FGF5: variants seen among roughly 807,000 people sequenced by gnomAD.
The protein encoded by FGF5 is fibroblast growth factor 5, also known as heparin-binding growth factor 5.
FGF5 carries 23 observed loss-of-function variants against 21.8 expected under a neutral mutation model. The ratio of observed to expected loss-of-function variants is 1.05; its 90% CI spans 0.76 to 1.49. FGF5 has a LOEUF of 1.49. FGF5 is among the 40% of genes most tolerant of loss of function. The pLI is 0.00. For missense variants in FGF5, 352 were observed against 332.9 expected (o/e 1.06, Z -0.45); for synonymous variants, 158 against 124.0 (o/e 1.27, Z -1.82).
In FGF5 at chr4:80,290,568, A is replaced by C. The variant is rs373321356; in HGVS notation, c.*3896A>C. On this transcript the variant is annotated 3_prime_UTR_variant, in exon 3 of 3. Coordinates refer to ENST00000312465, the MANE Select transcript of FGF5 (RefSeq NM_004464.4). ...TTATTATTATTATACTTCAAGTTCT[A>C]GGGTACATGTCCACAATGCACATGT... is the stretch of plus-strand genomic sequence containing the variant. 1.7e-4 allele frequency: 26 copies of C among 152,098 alleles called. No individual in the cohort carries two copies. The East Asian group carries it at 4.4e-3, about 26-fold the overall frequency. 9.4% of individuals were successfully genotyped at this position (152,098 alleles called of 1,614,324 possible).
intron 2 of FGF5, among the ~76,000 whole-genome samples, chr4:80,281,252 C>T (rs140122212): frequency 1.1e-3 from 167 of 152,068 alleles, no homozygotes; most frequent in African/African-American, 3.8e-3. Flanking sequence ...GGTACCTGTC[C>T]CAGGCAGCTC....
At chr4:80,286,261 A>G in intron 2 of FGF5, 64 bp from the exon 3 acceptor site, 1 of 1,104,362 alleles carries the variant, frequency 9.1e-7, no homozygotes, top group Non-Finnish European at 1.3e-6. Context: ...ACAATACCTT[A>G]TGTTTTATTA....
rs1720864253 is a variant in FGF5 at position 80,290,355 on chromosome 4, T to C, written c.*3683T>C. ...AGGCCTAATTTTTTTTTGTAGTCAATCCAACTGTACTGGCCAATTTTTGAA... is the reference window on the plus strand; with the variant it reads ...AGGCCTAATTTTTTTTTGTAGTCAACCCAACTGTACTGGCCAATTTTTGAA... On this transcript the variant is annotated 3_prime_UTR_variant, in exon 3 of 3. Coordinates refer to ENST00000312465, the MANE Select transcript of FGF5 (RefSeq NM_004464.4). 1 of 152,084 alleles carries C rather than the reference T, an allele frequency of 6.6e-6. No homozygotes were observed. Among genetic ancestry groups the C allele is most frequent in the African/African-American group, 2.4e-5 (1 of 41,430 alleles). The allele number at this position is 152,084 out of a possible 1,614,324, so 9.4% of individuals were successfully genotyped here. A position where few individuals can be genotyped will look rare whatever the true frequency, so the allele number is the denominator to read the frequency against.
chr4:80,266,670 G>T lies in FGF5; in HGVS notation c.-155G>T, dbSNP rs1720095524. On this transcript the variant is annotated 5_prime_UTR_variant, in exon 1 of 3. Transcript: ENST00000312465. The stretch of plus-strand genomic sequence containing the variant: ...GGTGCCAGCGCGGAGATCCGCTCGG[G>T]TGGCCTCTCTCTTCCCCTCTCCCCT... 1.6e-6 allele frequency: 1 copy of T among 634,160 alleles called. No homozygotes were observed. The highest frequency in any genetic ancestry group is 2.7e-6 in the Non-Finnish European group (1 of 370,100). 39.3% of individuals were successfully genotyped at this position (634,160 alleles called of 1,614,324 possible). A position where few individuals can be genotyped will look rare whatever the true frequency, so the allele number is the denominator to read the frequency against.
intron 2 of FGF5, 73 bp downstream of exon 2, chr4:80,275,085 A>G (rs1345193225): frequency 4.9e-6 from 3 of 613,318 alleles, no homozygotes; most frequent in Non-Finnish European, 8.2e-6. Flanking sequence ...ATAATTTTCC[A>G]AATTCATAGG....
chr4:80,281,779 T>C (rs1487502705), intron 2 of FGF5, among the ~76,000 whole-genome samples: 1 of 152,206 alleles, frequency 6.6e-6, no homozygotes, highest in East Asian at 1.9e-4. Context: ...GGAAATAATT[T>C]ATTTGGTTTA....
rs1010010920 is a variant in FGF5, at chr4:80,271,735, C to T, written c.356-3174C>T. Among the ~76,000 whole-genome samples the T allele has an allele frequency of 3.9e-5, 6 of 152,106 alleles. No individual in the cohort carries two copies. The East Asian group carries it at 1.2e-3, about 29-fold the overall frequency. On this transcript the variant is annotated intron_variant, in intron 1 of 2. Coordinates refer to ENST00000312465, the MANE Select transcript of FGF5 (RefSeq NM_004464.4). ...CCACAGTTTGGCTTAGAAATACTGC[C>T]TTGGCATCCATAAGGAGAATTGTAA...
rs1378279646 is a variant in FGF5 at position 80,289,592 on chromosome 4, T to C, written c.*2920T>C. ...AGACTAACATGTCAGTTTTATCAAT[T>C]ATATTATGTTTAATTATTTAAGATT... On this transcript the variant is annotated 3_prime_UTR_variant, in exon 3 of 3. Transcript: ENST00000312465. 1 of 152,092 alleles carries C rather than the reference T, an allele frequency of 6.6e-6. No homozygotes were observed. The highest frequency in any genetic ancestry group is 3.2e-3 in the Middle Eastern group (1 of 314). The allele number at this position is 152,092 out of a possible 1,614,324, so 9.4% of individuals were successfully genotyped here.
At position 80,266,897 on chromosome 4, in the gene FGF5, C is replaced by A; in HGVS notation, c.73C>A (p.Arg25Ser). The change falls in exon 1 of 3, where the codon CGT becomes AGT. Residue 25 changes from arginine to serine, a missense_variant. Arg to Ser is a moderately radical substitution (Grantham distance 110). Transcript: ENST00000312465. ...ILSAWAHGEKRLAPKGQPGPA... is the reference protein window; with the variant it reads ...ILSAWAHGEKSLAPKGQPGPA... ...CAGCGCCTGGGCTCACGGGGAGAAGCGTCTCGCCCCCAAAGGGCAACCCGG... is the reference window on the plus strand; with the variant it reads ...CAGCGCCTGGGCTCACGGGGAGAAGAGTCTCGCCCCCAAAGGGCAACCCGG... The A allele has an allele frequency of 1.2e-6, 2 of 1,613,608 alleles. No individual in the cohort carries two copies. The highest frequency in any genetic ancestry group is 1.7e-6 in the Non-Finnish European group (2 of 1,179,746).
Position 80,286,509 on chromosome 4 carries a change from T to A in FGF5, c.644T>A (p.Phe215Tyr). 6.2e-7 allele frequency: 1 copy of A among 1,614,050 alleles called. No homozygotes were observed. The highest frequency in any genetic ancestry group is 8.5e-7 in the Non-Finnish European group (1 of 1,179,996). ...RVKPQHISTH[F>Y]LPRFKQSEQP... ...AAACCCCAGCATATCTCTACCCATTTTCTGCCAAGATTCAAGCAGTCGGAG... is the reference window on the plus strand; with the variant it reads ...AAACCCCAGCATATCTCTACCCATTATCTGCCAAGATTCAAGCAGTCGGAG... The change falls in exon 3 of 3, where the codon TTT becomes TAT. Residue 215 changes from phenylalanine to tyrosine, a missense_variant. Coordinates refer to ENST00000312465, the MANE Select transcript of FGF5 (RefSeq NM_004464.4).
In FGF5 at chr4:80,266,886, A is replaced by G. The variant is rs150112478; in HGVS notation, c.62A>G (p.His21Arg). Residue 21 changes from histidine to arginine, a missense_variant, in exon 1 of 3, where the codon CAC (histidine) becomes CGC (arginine). Physicochemically the swap from His to Arg is conservative, Grantham distance 29. Transcript: ENST00000312465. Reference sequence around the variant, plus strand: ...CACCTGATCCTCAGCGCCTGGGCTCACGGGGAGAAGCGTCTCGCCCCCAAA... The same window carrying G: ...CACCTGATCCTCAGCGCCTGGGCTCGCGGGGAGAAGCGTCTCGCCCCCAAA... ...FSHLILSAWA[H>R]GEKRLAPKGQ... The G allele has an allele frequency of 1.2e-6, 2 of 1,613,164 alleles. No individual in the cohort carries two copies. The highest frequency in any genetic ancestry group is 1.7e-4 in the Middle Eastern group (1 of 6,050).
Position 80,288,719 on chromosome 4 carries a change from A to G in FGF5, c.*2047A>G, listed in dbSNP as rs1720812234. 1 of 152,618 alleles carries G rather than the reference A, an allele frequency of 6.6e-6. No individual in the cohort carries two copies. Among genetic ancestry groups the G allele is most frequent in the South Asian group, 2.1e-4 (1 of 4,830 alleles). 9.5% of individuals were successfully genotyped at this position (152,618 alleles called of 1,614,324 possible). On this transcript the variant is annotated 3_prime_UTR_variant, in exon 3 of 3. Coordinates refer to ENST00000312465, the MANE Select transcript of FGF5 (RefSeq NM_004464.4). ...GTAAACATATGTTCCTAATAAGTGA[A>G]GGGAAAGATAATAATGATGGTCAAC...
At chr4:80,277,612 T>C (rs1246579580) in intron 2 of FGF5, among the ~76,000 whole-genome samples, 1 of 152,144 alleles carries the variant, frequency 6.6e-6, no homozygotes, top group Non-Finnish European at 1.5e-5. Flanking sequence ...CTATTTGATT[T>C]AGTTAATAGT....
intron 2 of FGF5, among the ~76,000 whole-genome samples, chr4:80,283,539 C>T (rs1007539541): frequency 8.6e-5 from 13 of 152,040 alleles, no homozygotes; most frequent in Non-Finnish European, 1.3e-4. Flanking sequence ...TGCACATGCA[C>T]CTGTGCATGA....
At chr4:80,285,222 C>T (rs1720675424) in intron 2 of FGF5, among the ~76,000 whole-genome samples, 4 of 152,160 alleles carry the variant, frequency 2.6e-5, no homozygotes, top group Admixed American at 2.0e-4. Flanking sequence ...TCAAATTTTA[C>T]TACATGGCAA....
At position 80,288,828 on chromosome 4, in the gene FGF5, T is replaced by A. The variant is rs867670683; in HGVS notation, c.*2156T>A. 2 of 152,648 alleles carry A rather than the reference T, an allele frequency of 1.3e-5. No individual in the cohort carries two copies. The highest frequency in any genetic ancestry group is 2.9e-5 in the Non-Finnish European group (2 of 68,034). 9.5% of individuals were successfully genotyped at this position (152,648 alleles called of 1,614,324 possible). On this transcript the variant is annotated 3_prime_UTR_variant, in exon 3 of 3. Coordinates refer to ENST00000312465, the MANE Select transcript of FGF5 (RefSeq NM_004464.4). The stretch of plus-strand genomic sequence containing the variant: ...AACTCAAATGTAATAGTTTATCTTA[T>A]ACTCCTGGTTTGATTTGATTAGCAT...
Position 80,267,025 on chromosome 4 carries a change from G to C in FGF5, c.201G>C (p.Leu67=). The part of the protein sequence containing the change: ...SSASSSPAAS[L]GSQGSGLEQS... ...CCTCCTCCTCCCCCGCAGCTTCTCTGGGCAGCCAAGGAAGTGGCTTGGAGC... is the reference window on the plus strand; with the variant it reads ...CCTCCTCCTCCCCCGCAGCTTCTCTCGGCAGCCAAGGAAGTGGCTTGGAGC... The change falls in exon 1 of 3, where the codon CTG becomes CTC. Residue 67 remains leucine, a synonymous_variant. Transcript: ENST00000312465. The C allele has an allele frequency of 6.2e-7, 1 of 1,614,234 alleles. No homozygotes were observed. The highest frequency in any genetic ancestry group is 2.2e-5 in the East Asian group (1 of 44,884).
chr4:80,287,345 G>C lies in FGF5; in HGVS notation c.*673G>C, dbSNP rs1364936952. On this transcript the variant is annotated 3_prime_UTR_variant, in exon 3 of 3. Transcript: ENST00000312465. Reference sequence around the variant, plus strand: ...TAAATTCTCTTTCACAGCACCAAAGGCTCAGCTTGGATTTGTGTGTATGTG... The same window carrying C: ...TAAATTCTCTTTCACAGCACCAAAGCCTCAGCTTGGATTTGTGTGTATGTG... The C allele has an allele frequency of 6.6e-6, 1 of 152,008 alleles. No individual in the cohort carries two copies. Among genetic ancestry groups the C allele is most frequent in the Non-Finnish European group, 1.5e-5 (1 of 68,014 alleles). The allele number at this position is 152,008 out of a possible 1,614,324, so 9.4% of individuals were successfully genotyped here. A position where few individuals can be genotyped will look rare whatever the true frequency, so the allele number is the denominator to read the frequency against.
chr4:80,277,726 C>T (rs979494241), intron 2 of FGF5, among the ~76,000 whole-genome samples: 5 of 151,928 alleles, frequency 3.3e-5, no homozygotes, highest in African/African-American at 4.8e-5. Flanking sequence ...AAAAATTTTG[C>T]GGAGGCATTT....
Sources: allele counts gnomAD v4.1 joint callset (sites outside exome capture counted in the v4.1 genomes callset), GRCh38; gene constraint gnomAD v4.1.1; transcripts MANE v1.5; gene names NCBI Gene and HGNC (gene_info 2026-07-23, HGNC 2026-07-21).